Variants in MANBA observed in about 807,000 individuals in gnomAD.
MANBA encodes mannosidase beta.
Under a neutral mutation model 111.1 loss-of-function variants are expected in MANBA, and 83 were observed. That is an observed-to-expected ratio of 0.75 (90% confidence interval 0.63 to 0.90). MANBA has a LOEUF of 0.90. MANBA is among the 40% of genes least tolerant of loss of function. The probability of loss-of-function intolerance (pLI) is 0.00; values close to 1 mark genes in which losing one functional copy is unlikely to be tolerated. For synonymous variants in MANBA, 370 were observed against 378.7 expected, an observed-to-expected ratio of 0.98 and a Z score of 0.27; for missense variants, 1,036 against 1,069.0, an observed-to-expected ratio of 0.97 and a Z score of 0.43.
At chr4:102,680,572 T>C (rs559953956) in intron 7 of MANBA, among the ~76,000 whole-genome samples, 2 of 149,650 alleles carry the variant, frequency 1.3e-5, no homozygotes, top group East Asian at 3.9e-4. Flanking sequence ...ATACAATTTG[T>C]CCAAAGTTCT....
At chr4:102,734,424 TG>T in intron 1 of MANBA, 1 of 1,608,626 alleles carries the variant, frequency 6.2e-7, no homozygotes, top group Non-Finnish European at 8.5e-7. Context: ...GAACCTGCTA[TG>T]GTACGGACTC....
chr4:102,718,517 G>C, intron 4 of MANBA, among the ~76,000 whole-genome samples: 1 of 152,178 alleles, frequency 6.6e-6, no homozygotes, highest in Non-Finnish European at 1.5e-5. Context: ...ACAAGGAACG[G>C]CCAGAGATGT....
intron 5 of MANBA, among the ~76,000 whole-genome samples, chr4:102,694,449 T>C (rs537749426): frequency 2.0e-5 from 3 of 152,310 alleles, no homozygotes; most frequent in African/African-American, 7.2e-5. Flanking sequence ...ATTAAATTTA[T>C]AAATTGCATA....
chr4:102,654,901 T>C (rs1427904877), intron 12 of MANBA, among the ~76,000 whole-genome samples: 1 of 152,128 alleles, frequency 6.6e-6, no homozygotes, highest in East Asian at 1.9e-4. Flanking sequence ...ATTATTAATA[T>C]CTCTATTTAT....
At chr4:102,729,139 A>C in intron 1 of MANBA, 1 of 729,014 alleles carries the variant, frequency 1.4e-6, no homozygotes, top group Non-Finnish European at 2.5e-6. Flanking sequence ...CATCCTTAAC[A>C]GCCAGCCCCC....
intron 5 of MANBA, among the ~76,000 whole-genome samples, chr4:102,709,324 GAAAA>G (rs766022646): frequency 5.3e-5 from 4 of 75,742 alleles, no homozygotes; most frequent in Non-Finnish European, 1.0e-4. Flanking sequence ...GAAAAGAAAA[GAAAA>G]AGAAAGGAAG....
At chr4:102,733,202 C>T (rs1417760984) in intron 1 of MANBA, among the ~76,000 whole-genome samples, 3 of 152,214 alleles carry the variant, frequency 2.0e-5, no homozygotes, top group Admixed American at 6.5e-5. Context: ...TAGGCCTCAG[C>T]AGACCAGATC....
intron 13 of MANBA, among the ~76,000 whole-genome samples, chr4:102,644,366 C>T (rs1220634645): frequency 2.0e-5 from 3 of 151,886 alleles, no homozygotes; most frequent in African/African-American, 7.3e-5. Flanking sequence ...TTTACAATAG[C>T]CAAGATATGA....
At chr4:102,738,606 C>T (rs1001406382) in intron 1 of MANBA, among the ~76,000 whole-genome samples, 1 of 152,204 alleles carries the variant, frequency 6.6e-6, no homozygotes, top group Non-Finnish European at 1.5e-5. Context: ...AAACAGTAAC[C>T]CTTGAGTTCC....
chr4:102,726,177 C>T (rs1462223691), intron 2 of MANBA, among the ~76,000 whole-genome samples: 1 of 150,090 alleles, frequency 6.7e-6, no homozygotes, highest in Non-Finnish European at 1.5e-5. Context: ...CTTTGGGTAA[C>T]ATTCTACCTC....
At chr4:102,753,485 T>G (rs1231858718) in intron 1 of MANBA, among the ~76,000 whole-genome samples, 1 of 152,138 alleles carries the variant, frequency 6.6e-6, no homozygotes, top group African/African-American at 2.4e-5. Context: ...ATGATAAAAG[T>G]AATATATCAG....
At chr4:102,743,974 A>C (rs1723502345) in intron 1 of MANBA, among the ~76,000 whole-genome samples, 1 of 152,182 alleles carries the variant, frequency 6.6e-6, no homozygotes, top group Non-Finnish European at 1.5e-5. Context: ...CTCAAGCACA[A>C]TTGGATCTGC....
At chr4:102,758,960 G>A (rs1401815730) in intron 1 of MANBA, among the ~76,000 whole-genome samples, 1 of 152,112 alleles carries the variant, frequency 6.6e-6, no homozygotes, top group African/African-American at 2.4e-5. Flanking sequence ...AGAGAGTTAA[G>A]AAATCTCTTC....
intron 12 of MANBA, among the ~76,000 whole-genome samples, chr4:102,655,552 A>T (rs1730522821): frequency 6.6e-6 from 1 of 152,232 alleles, no homozygotes; most frequent in Admixed American, 6.5e-5. Flanking sequence ...AATGGGGGAA[A>T]GAATAGTGTT....
chr4:102,730,225 G>C, intron 1 of MANBA: 1 of 590,336 alleles, frequency 1.7e-6, no homozygotes, highest in Non-Finnish European at 3.0e-6. Flanking sequence ...ATCCCAGAAG[G>C]AGTGGAGAAG....
intron 12 of MANBA, among the ~76,000 whole-genome samples, chr4:102,654,575 A>AGG (rs1203915393): frequency 6.6e-6 from 1 of 152,202 alleles, no homozygotes; most frequent in Non-Finnish European, 1.5e-5. Context: ...CAACTGATGC[A>AGG]GGGGGAGCAA....
chr4:102,726,100 C>CAA (rs11438231), intron 2 of MANBA, among the ~76,000 whole-genome samples: 26 of 137,496 alleles, frequency 1.9e-4, no homozygotes, highest in African/African-American at 5.3e-4. Flanking sequence ...AAATAATTAC[C>CAA]AAAAAAAAAA....
intron 5 of MANBA, among the ~76,000 whole-genome samples, chr4:102,712,115 C>T (rs957772523): frequency 2.0e-5 from 3 of 152,036 alleles, no homozygotes; most frequent in Non-Finnish European, 4.4e-5. Flanking sequence ...GTGATAGATA[C>T]CCGAATTACC....
chr4:102,646,097 G>C (rs1730089468), intron 13 of MANBA, among the ~76,000 whole-genome samples: 1 of 152,048 alleles, frequency 6.6e-6, no homozygotes, highest in East Asian at 1.9e-4. Flanking sequence ...GGTGTCTGGA[G>C]ATAATGTGAG....
Sources: gnomAD v4.1 joint callset for allele counts (sites outside exome capture counted in the v4.1 genomes callset) on GRCh38, gnomAD v4.1.1 for gene constraint, MANE v1.5 for transcripts, NCBI Gene and HGNC (gene_info 2026-07-23, HGNC 2026-07-21) for gene names.